Variants in ZNF844 observed in about 807,000 individuals in gnomAD.
The protein encoded by ZNF844 is zinc finger protein 844.
In ZNF844, 11 loss-of-function variants were observed where a neutral mutation model predicts 11.4. The observed-to-expected ratio is 0.97, with a 90% confidence interval of 0.61 to 1.60. The LOEUF (loss-of-function observed/expected upper bound fraction) is 1.60. ZNF844 is among the 40% of genes most tolerant of loss of function. The probability of loss-of-function intolerance (pLI) is 0.00; values close to 1 mark genes in which losing one functional copy is unlikely to be tolerated. For synonymous variants in ZNF844, 248 were observed against 260.3 expected (o/e 0.95, Z 0.46); for missense variants, 790 against 796.8 (o/e 0.99, Z 0.10).
At chr19:12,074,193 G>A in intron 2 of ZNF844, 36 bp downstream of exon 2, 2 of 1,611,154 alleles carry the variant, frequency 1.2e-6, no homozygotes, top group Non-Finnish European at 1.7e-6. Context: ...CAGTGAATGA[G>A]ACAAGTGTTT....
At chr19:12,070,809 T>C (rs1359404236) in intron 1 of ZNF844, among the ~76,000 whole-genome samples, 3 of 152,138 alleles carry the variant, frequency 2.0e-5, no homozygotes, top group Non-Finnish European at 4.4e-5. Context: ...GAACTCAACC[T>C]GAATGCATCA....
chr19:12,072,253 C>T (rs1030178520), intron 1 of ZNF844, among the ~76,000 whole-genome samples: 1 of 152,070 alleles, frequency 6.6e-6, no homozygotes, highest in Non-Finnish European at 1.5e-5. Flanking sequence ...AAATACTATC[C>T]CATTGTAAGT....
At position 12,064,819 on chromosome 19, in the gene ZNF844, C is replaced by T. The variant is rs1460542717; in HGVS notation, c.-55C>T. ...GTTGCCACCGCCATACTTCTGTCGC[C>T]CTGTCGTCTGTGTTGTGACTGCTTT... On this transcript the variant is annotated 5_prime_UTR_variant, in exon 1 of 4. Transcript: ENST00000439326. 2 of 1,544,998 alleles carry T rather than the reference C, an allele frequency of 1.3e-6. No individual in the cohort carries two copies. The highest frequency in any genetic ancestry group is 1.4e-5 in the African/African-American group (1 of 72,686).
rs1482986748 is a variant in ZNF844, at chr19:12,075,793, T to C, written c.673T>C (p.Tyr225His). 4 of 1,612,202 alleles carry C rather than the reference T, an allele frequency of 2.5e-6. No individual in the cohort carries two copies. In the African/African-American group the frequency reaches 5.3e-5, roughly 22 times the overall value. Residue 225 changes from tyrosine (Y) to histidine (H), a missense_variant, in exon 4 of 4, where the codon TAT becomes CAT. Coordinates refer to ENST00000439326, the MANE Select transcript of ZNF844 (RefSeq NM_001136501.3). ...ACGAGTTCACACTGGAGAGAAACCA[T>C]ATAAATGTAAACAATGTGGTAAAGC... ...HERVHTGEKPYKCKQCGKAFS... is the reference protein window; with the variant it reads ...HERVHTGEKPHKCKQCGKAFS...
At position 12,064,758 on chromosome 19, in the gene ZNF844, GT is replaced by G; in HGVS notation, c.-114del. On this transcript the variant is annotated 5_prime_UTR_variant, in exon 1 of 4. Coordinates refer to ENST00000439326, the MANE Select transcript of ZNF844 (RefSeq NM_001136501.3). ...TCTTTGGCCCCTCCCGCCGGGTGAG[GT>G]TGGCACCCCGTTTTTCCTGCTCTGA... The G allele has an allele frequency of 8.6e-7, 1 of 1,161,716 alleles. No individual in the cohort carries two copies. The allele number at this position is 1,161,716 out of a possible 1,614,324, so 72.0% of individuals were successfully genotyped here. A position where few individuals can be genotyped will look rare whatever the true frequency, so the allele number is the denominator to read the frequency against.
At position 12,080,293 on chromosome 19, in the gene ZNF844, T is replaced by C. The variant is rs900461342; in HGVS notation, c.*3172T>C. Reference sequence around the variant, plus strand: ...TGAATCCAGGAGGCAGAGCTTGCAGTGAACCGAGATCGCGCCACTGCACTC... The same window carrying C: ...TGAATCCAGGAGGCAGAGCTTGCAGCGAACCGAGATCGCGCCACTGCACTC... On this transcript the variant is annotated 3_prime_UTR_variant, in exon 4 of 4. Transcript: ENST00000439326. 2.6e-5 allele frequency: 6 copies of C among 235,096 alleles called. No individual in the cohort carries two copies. Among genetic ancestry groups the C allele is most frequent in the Middle Eastern group, 1.1e-3 (1 of 900 alleles). 14.6% of individuals were successfully genotyped at this position (235,096 alleles called of 1,614,324 possible).
At chr19:12,074,254 T>G in intron 2 of ZNF844, 97 bp downstream of exon 2, 8 of 1,562,678 alleles carry the variant, frequency 5.1e-6, no homozygotes, top group Non-Finnish European at 7.0e-6. Flanking sequence ...GGCAATACTT[T>G]GATGAATAAA....
chr19:12,071,701 T>TG (rs1055397173), intron 1 of ZNF844, among the ~76,000 whole-genome samples: 1 of 151,696 alleles, frequency 6.6e-6, no homozygotes, highest in Non-Finnish European at 1.5e-5. Context: ...ATTAGGTTTT[T>TG]TTTTTTTTTT....
chr19:12,076,999 C>T lies in ZNF844; in HGVS notation c.1879C>T (p.Leu627Phe), dbSNP rs1975833350. The T allele has an allele frequency of 6.3e-7, 1 of 1,597,504 alleles. No individual in the cohort carries two copies. Among genetic ancestry groups the T allele is most frequent in the Non-Finnish European group, 8.5e-7 (1 of 1,171,660 alleles). ...RNAEKRSIIFLLCVYTKGCTL... is the reference protein window; with the variant it reads ...RNAEKRSIIFFLCVYTKGCTL... Reference sequence around the variant, plus strand: ...TGCGGAAAAGCGTTCAATTATTTTTCTTCTTTGCGTATACACAAAAGGATG... The same window carrying T: ...TGCGGAAAAGCGTTCAATTATTTTTTTTCTTTGCGTATACACAAAAGGATG... The change falls in exon 4 of 4, where the codon CTT (leucine) becomes TTT (phenylalanine). Residue 627 changes from leucine (L) to phenylalanine (F), a missense_variant. Around this residue, in one of 3 missense-constraint regions of ZNF844, gnomAD observed 657 missense variants for 636.2 expected, o/e 1.03. Transcript: ENST00000439326.
At chr19:12,074,677 G>A (rs1020899425) in intron 3 of ZNF844, among the ~76,000 whole-genome samples, 1 of 152,162 alleles carries the variant, frequency 6.6e-6, no homozygotes, top group Non-Finnish European at 1.5e-5. Flanking sequence ...TGAGCAAAAT[G>A]GCGAGACTTC....
rs1975797222 is a variant in ZNF844 at position 12,075,467 on chromosome 19, C to T, written c.347C>T (p.Ser116Phe). The T allele has an allele frequency of 3.1e-6, 5 of 1,612,714 alleles. No homozygotes were observed. Among genetic ancestry groups the T allele is most frequent in the African/African-American group, 1.3e-5 (1 of 74,846 alleles). ...SVCGEVFVGH[S>F]SLNRHIRADT... ...TGTGGAGAAGTCTTCGTGGGTCATT[C>T]TTCCCTTAATAGGCACATTAGAGCT... Residue 116 changes from serine to phenylalanine, a missense_variant, in exon 4 of 4, where the codon TCT becomes TTT. Transcript: ENST00000439326.
Position 12,064,882 on chromosome 19 carries a change from T to A in ZNF844, c.3+6T>A, listed in dbSNP as rs1407883251. 33 of 1,548,760 alleles carry A rather than the reference T, an allele frequency of 2.1e-5. 1 individual carries two copies. Among genetic ancestry groups the A allele is most frequent in the Admixed American group, 7.9e-5 (4 of 50,738 alleles). On this transcript the variant is annotated splice_donor_region_variant and intron_variant, in intron 1 of 3. Transcript: ENST00000439326. The stretch of plus-strand genomic sequence containing the variant: ...CACCTGAAAGCCAGGAAATGGTGAG[T>A]GTGAGCCCCCGCTGGGAGTCCCGAG...
At position 12,079,657 on chromosome 19, in the gene ZNF844, A is replaced by C. The variant is rs912419176; in HGVS notation, c.*2536A>C. ...GAGTGAGACTCCATCTGAAAAAAAAAGCAAGGGGCCGGCACGGTGGTTCAC... is the reference window on the plus strand; with the variant it reads ...GAGTGAGACTCCATCTGAAAAAAAACGCAAGGGGCCGGCACGGTGGTTCAC... On this transcript the variant is annotated 3_prime_UTR_variant, in exon 4 of 4. Transcript: ENST00000439326. 1.3e-5 allele frequency: 2 copies of C among 150,864 alleles called. No individual in the cohort carries two copies. Among genetic ancestry groups the C allele is most frequent in the Admixed American group, 1.3e-4 (2 of 15,160 alleles). 9.3% of individuals were successfully genotyped at this position (150,864 alleles called of 1,614,324 possible). A position where few individuals can be genotyped will look rare whatever the true frequency, so the allele number is the denominator to read the frequency against.
Position 12,076,235 on chromosome 19 carries a change from C to T in ZNF844, c.1115C>T (p.Pro372Leu), listed in dbSNP as rs1186234446. Reference sequence around the variant, plus strand: ...TATAAATGTAAGACTGTGGAAAAGCCTTTGATTCTCCCAGTTCGTTTTGAA... The same window carrying T: ...TATAAATGTAAGACTGTGGAAAAGCTTTTGATTCTCCCAGTTCGTTTTGAA... ...RPYKCKTVEK[P>L]LILPVRFEDM... The change falls in exon 4 of 4, where the codon CCT (proline) becomes CTT (leucine). Residue 372 changes from proline (P) to leucine (L), a missense_variant. Transcript: ENST00000439326. The T allele has an allele frequency of 5.6e-6, 9 of 1,606,990 alleles. No individual in the cohort carries two copies. Among genetic ancestry groups the T allele is most frequent in the Non-Finnish European group, 7.6e-6 (9 of 1,176,692 alleles).
intron 1 of ZNF844, 59 bp downstream of exon 1, chr19:12,064,935 T>G: frequency 6.5e-7 from 1 of 1,542,608 alleles, no homozygotes; most frequent in Non-Finnish European, 8.8e-7. Context: ...CGGAGGCTGG[T>G]TGGAACTGGC....
chr19:12,074,794 G>C (rs1975788620), intron 3 of ZNF844, among the ~76,000 whole-genome samples: 1 of 152,200 alleles, frequency 6.6e-6, no homozygotes, highest in Non-Finnish European at 1.5e-5. Flanking sequence ...CAAGGGTGCT[G>C]TGAACCATGA....
At position 12,073,803 on chromosome 19, in the gene ZNF844, A is replaced by G. The variant is rs566108603; in HGVS notation, c.4-228A>G. On this transcript the variant is annotated intron_variant, in intron 1 of 3. Coordinates refer to ENST00000439326, the MANE Select transcript of ZNF844 (RefSeq NM_001136501.3). The stretch of plus-strand genomic sequence containing the variant: ...ACCTTTCTCCCTGGATTCCATGAAA[A>G]GACACATTTTTCTATTCTGCTGTTC... Among the ~76,000 whole-genome samples the G allele has an allele frequency of 1.2e-4, 18 of 152,326 alleles. No individual in the cohort carries two copies. In the South Asian group the frequency reaches 3.7e-3, roughly 32 times the overall value.
At chr19:12,068,365 C>T (rs1237193663) in intron 1 of ZNF844, among the ~76,000 whole-genome samples, 2 of 152,052 alleles carry the variant, frequency 1.3e-5, no homozygotes, top group Non-Finnish European at 2.9e-5. Flanking sequence ...CGGTGGCTCA[C>T]GCCTGTAAAC....
rs775789315 is a variant in ZNF844, at chr19:12,077,029, C to G, written c.1909C>G (p.Leu637Val). 33 of 1,596,978 alleles carry G rather than the reference C, an allele frequency of 2.1e-5. No homozygotes were observed. The highest frequency in any genetic ancestry group is 2.5e-5 in the Non-Finnish European group (29 of 1,171,074). ...TTGCGTATACACAAAAGGATGCACACTGGAGAGAAACCATATTAATGTAAG... is the reference window on the plus strand; with the variant it reads ...TTGCGTATACACAAAAGGATGCACAGTGGAGAGAAACCATATTAATGTAAG... ...LLCVYTKGCT[L>V]ERNHINVRIV... Residue 637 changes from leucine (L) to valine (V), a missense_variant, in exon 4 of 4, where the codon CTG (leucine) becomes GTG (valine). Coordinates refer to ENST00000439326, the MANE Select transcript of ZNF844 (RefSeq NM_001136501.3).
Sources: gnomAD v4.1 joint callset for allele counts (sites outside exome capture counted in the v4.1 genomes callset) on GRCh38, gnomAD v4.1.1 for gene constraint, gnomAD v4.1.1 regional missense constraint, MANE v1.5 for transcripts, NCBI Gene and HGNC (gene_info 2026-07-23, HGNC 2026-07-21) for gene names.